PES1: variants seen among roughly 807,000 people sequenced by gnomAD.
PES1 encodes the protein pescadillo ribosomal biogenesis factor 1.
A neutral mutation model predicts 77.1 loss-of-function variants in PES1; 31 were observed. The observed-to-expected ratio is 0.40, with a 90% CI of 0.30 to 0.54. The LOEUF is 0.54. Among genes scored for constraint, PES1 ranks in the 20% least tolerant of loss-of-function variants. The pLI is 0.45. For synonymous variants in PES1, 282 were observed against 303.0 expected (o/e 0.93, Z 0.72); for missense variants, 658 against 771.7 (o/e 0.85, Z 1.75).
intron 6 of PES1, among the ~76,000 whole-genome samples, chr22:30,583,066 G>T (rs2081643147): frequency 6.6e-6 from 1 of 152,176 alleles, no homozygotes; most frequent in African/African-American, 2.4e-5. Context: ...CCCACCACAG[G>T]GCCCTATTCA....
At chr22:30,589,333 G>A (rs532331867) in intron 1 of PES1, 63 bp from the exon 2 acceptor site, 2 of 1,329,536 alleles carry the variant, frequency 1.5e-6, no homozygotes, top group African/African-American at 1.4e-5. Flanking sequence ...TCAAACTCTG[G>A]GCATGCCTAG....
chr22:30,587,751 C>T (rs1399561033), intron 3 of PES1, among the ~76,000 whole-genome samples: 1 of 152,220 alleles, frequency 6.6e-6, no homozygotes, highest in Admixed American at 6.5e-5. Context: ...GGCTGGCCTC[C>T]ATTGCCAACA....
chr22:30,597,876 A>ATTTTT (rs1210779167), intron 2 of PES1, among the ~76,000 whole-genome samples: 22 of 125,152 alleles, frequency 1.8e-4, no homozygotes, highest in African/African-American at 5.6e-4. Flanking sequence ...ACGCAGTTGA[A>ATTTTT]GTTTTGTTTT....
At chr22:30,578,605 G>A (rs573062474) in intron 14 of PES1, among the ~76,000 whole-genome samples, 3 of 152,362 alleles carry the variant, frequency 2.0e-5, no homozygotes, top group Admixed American at 1.3e-4. Flanking sequence ...AGCCGGATGC[G>A]GGGTGGGACG....
At chr22:30,583,786 T>A (rs900331160) in intron 6 of PES1, among the ~76,000 whole-genome samples, 2 of 152,196 alleles carry the variant, frequency 1.3e-5, no homozygotes, top group African/African-American at 4.8e-5. Flanking sequence ...AAACAATATA[T>A]GTAGGAAACA....
At chr22:30,586,108 G>C (rs889508326) in intron 4 of PES1, among the ~76,000 whole-genome samples, 2 of 152,222 alleles carry the variant, frequency 1.3e-5, no homozygotes, top group African/African-American at 4.8e-5. Flanking sequence ...AGCTGGGGAT[G>C]GTGTAGTATG....
chr22:30,600,875 C>G (rs2087344432), intron 2 of PES1, among the ~76,000 whole-genome samples: 1 of 152,166 alleles, frequency 6.6e-6, no homozygotes, highest in Non-Finnish European at 1.5e-5. Flanking sequence ...GTCTTGACAT[C>G]TTTTATGCGA....
intron 2 of PES1, among the ~76,000 whole-genome samples, chr22:30,600,713 G>T (rs965558723): frequency 3.9e-5 from 6 of 152,206 alleles, no homozygotes; most frequent in African/African-American, 7.2e-5. Flanking sequence ...CTATTCAGGA[G>T]GCTGAGGCAG....
chr22:30,590,076 G>A (rs2087154503), intron 1 of PES1, among the ~76,000 whole-genome samples: 1 of 152,118 alleles, frequency 6.6e-6, no homozygotes, highest in South Asian at 2.1e-4. Context: ...TCATTCAACA[G>A]ACAATAACAG....
chr22:30,586,456 A>G lies in PES1; in HGVS notation c.368+830T>C, dbSNP rs552669924. Among the ~76,000 whole-genome samples the G allele has an allele frequency of 1.2e-4, 18 of 152,252 alleles. No individual in the cohort carries two copies. The South Asian group carries it at 3.5e-3, about 30-fold the overall frequency. On this transcript the variant is annotated intron_variant, in intron 4 of 14. Transcript: ENST00000354694. ...CCATCAGCCTCCAAAGATGACAGAC[A>G]TTTACCAGTCCAGGGGTTCTGAACT... is the stretch of plus-strand genomic sequence containing the variant.
chr22:30,580,806 T>G, intron 9 of PES1, 105 bp from the exon 10 acceptor site: 1 of 1,534,636 alleles, frequency 6.5e-7, no homozygotes, highest in Non-Finnish European at 8.9e-7. Context: ...AGATCCTGGA[T>G]CCTGCCTTCA....
In PES1 at chr22:30,579,991, G is replaced by GC. The variant is rs2086958393; in HGVS notation, c.1170-57dup. 6.8e-6 allele frequency: 11 copies of GC among 1,611,196 alleles called. No individual in the cohort carries two copies. In the South Asian group the frequency reaches 1.2e-4, roughly 18 times the overall value. ...ACAGAGGGCAACTCAGGGTCCTGCT[G>GC]CATCGCAGGGCCTTTGAGACAGGAT... On this transcript the variant is annotated intron_variant, in intron 11 of 14. Coordinates refer to ENST00000354694, the MANE Select transcript of PES1 (RefSeq NM_014303.4).
At chr22:30,591,980 A>G (rs2087188118), upstream of PES1, 1 of 1,385,228 alleles carries the variant, frequency 7.2e-7, no homozygotes, top group African/African-American at 1.5e-5. Context: ...GTACAAGTCC[A>G]GGGAAAGATG....
upstream of PES1, among the ~76,000 whole-genome samples, chr22:30,593,121 CT>C (rs564112652): frequency 1.3e-5 from 2 of 152,150 alleles, no homozygotes; most frequent in Non-Finnish European, 2.9e-5. Context: ...CTGGTGAATA[CT>C]TGTTTTGAAC....
At chr22:30,598,624 TTGCCA>T (rs1315430378) in intron 2 of PES1, among the ~76,000 whole-genome samples, 5 of 152,088 alleles carry the variant, frequency 3.3e-5, no homozygotes, top group Non-Finnish European at 7.4e-5. Flanking sequence ...AAGTTGGGTT[TTGCCA>T]TGCTGGCCAG....
intron 14 of PES1, 51 bp from the exon 15 acceptor site, chr22:30,577,180 T>C: frequency 6.9e-7 from 1 of 1,449,594 alleles, no homozygotes; most frequent in Non-Finnish European, 9.7e-7. Context: ...GAAGGGAGGG[T>C]GGGGGGCACA....
intron 2 of PES1, among the ~76,000 whole-genome samples, 157 bp downstream of exon 2, chr22:30,589,034 A>G (rs777799375): frequency 1.3e-5 from 2 of 152,160 alleles, no homozygotes; most frequent in Non-Finnish European, 2.9e-5. Context: ...CTTGGACCAC[A>G]CCTAGCAAAC....
At chr22:30,597,831 G>C (rs1430612821) in intron 2 of PES1, among the ~76,000 whole-genome samples, 1 of 151,226 alleles carries the variant, frequency 6.6e-6, no homozygotes, top group African/African-American at 2.4e-5. Flanking sequence ...CAGGCTGCCC[G>C]ACTCAGCTGT....
At chr22:30,580,423 C>G in intron 10 of PES1, 148 bp downstream of exon 10, 1 of 1,160,636 alleles carries the variant, frequency 8.6e-7, no homozygotes, top group Non-Finnish European at 1.2e-6. Flanking sequence ...TTCCTATGTG[C>G]TCAGTGCGGT....
Sources: gnomAD v4.1 joint callset for allele counts (sites outside exome capture counted in the v4.1 genomes callset) on GRCh38, gnomAD v4.1.1 for gene constraint, MANE v1.5 for transcripts, NCBI Gene and HGNC (gene_info 2026-07-23, HGNC 2026-07-21) for gene names.